Variants in THEM6 observed in about 807,000 individuals in gnomAD.
THEM6 encodes thioesterase superfamily member 6, also known as protein THEM6.
In THEM6, 10 loss-of-function variants were observed where a neutral mutation model predicts 13.7. The ratio of observed to expected loss-of-function variants is 0.73; its 90% confidence interval spans 0.45 to 1.24. The LOEUF (loss-of-function observed/expected upper bound fraction) is 1.24. THEM6 is among the 50% of genes most tolerant of loss of function. THEM6 has a pLI of 0.00. For missense variants in THEM6, 317 were observed against 312.6 expected, an observed-to-expected ratio of 1.01 and a Z score of -0.11; for synonymous variants, 161 against 156.0, an observed-to-expected ratio of 1.03 and a Z score of -0.24.
intron 1 of THEM6, among the ~76,000 whole-genome samples, chr8:142,729,799 C>T (rs1815604466): frequency 6.6e-6 from 1 of 152,192 alleles, no homozygotes; most frequent in South Asian, 2.1e-4. Context: ...TTTAGATCTG[C>T]ACAGACCTTT....
At chr8:142,732,014 T>G (rs904517436) in intron 1 of THEM6, among the ~76,000 whole-genome samples, 3 of 151,272 alleles carry the variant, frequency 2.0e-5, no homozygotes, top group Non-Finnish European at 4.4e-5. Flanking sequence ...TAGTTCTTTT[T>G]CCTGTCTGCT....
At chr8:142,732,711 CTT>C (rs35409782) in intron 1 of THEM6, among the ~76,000 whole-genome samples, 1 of 134,360 alleles carries the variant, frequency 7.4e-6, no homozygotes. Context: ...TGGCCAGTTT[CTT>C]TTTTTTTTTT....
At position 142,727,429 on chromosome 8, in the gene THEM6, C is replaced by G; in HGVS notation, c.83C>G (p.Pro28Arg). Residue 28 changes from proline (P) to arginine (R), a missense_variant, in exon 1 of 2, where the codon CCG becomes CGG. By Grantham distance (103) the Pro-to-Arg change is moderately radical. Coordinates refer to ENST00000336138, the MANE Select transcript of THEM6 (RefSeq NM_016647.3). ...GACGTCTGGTACCTGGTGCGCCTTC[C>G]GTGCGCCGTGCTGCGCGCGCGCCTG... is the stretch of plus-strand genomic sequence containing the variant. ...LLDVWYLVRL[P>R]CAVLRARLLQ... 6.5e-7 allele frequency: 1 copy of G among 1,545,904 alleles called. No homozygotes were observed. The highest frequency in any genetic ancestry group is 8.7e-7 in the Non-Finnish European group (1 of 1,153,112).
At position 142,727,736 on chromosome 8, in the gene THEM6, G is replaced by T. The variant is rs1397736969; in HGVS notation, c.390G>T (p.Ala130=). ...RTRLLGWDDR[A]FYLEARFVSL... ...GCCTGCTGGGCTGGGACGACCGCGCGTTCTACCTGGAGGCGCGCTTTGTCA... is the reference window on the plus strand; with the variant it reads ...GCCTGCTGGGCTGGGACGACCGCGCTTTCTACCTGGAGGCGCGCTTTGTCA... The change falls in exon 1 of 2, where the codon GCG becomes GCT. Residue 130 remains alanine, a synonymous_variant. Coordinates refer to ENST00000336138, the MANE Select transcript of THEM6 (RefSeq NM_016647.3). The T allele has an allele frequency of 6.9e-7, 1 of 1,440,120 alleles. No individual in the cohort carries two copies. The highest frequency in any genetic ancestry group is 9.0e-7 in the Non-Finnish European group (1 of 1,106,340). 89.2% of individuals were successfully genotyped at this position (1,440,120 alleles called of 1,614,324 possible).
intron 1 of THEM6, among the ~76,000 whole-genome samples, chr8:142,728,541 C>T (rs1387843404): frequency 2.6e-5 from 4 of 152,224 alleles, no homozygotes; most frequent in Non-Finnish European, 5.9e-5. Flanking sequence ...GTGCAGGAAG[C>T]CAGGGCCTGT....
chr8:142,727,305 G>GTTA lies in THEM6; in HGVS notation c.-42_-41insTTA. On this transcript the variant is annotated 5_prime_UTR_variant, in exon 1 of 2. Coordinates refer to ENST00000336138, the MANE Select transcript of THEM6 (RefSeq NM_016647.3). ...ACCAGCGCCGCGGACACCGGCACCG[G>GTTA]CGCCACGGACTCCGCAGGACCCCGC... The GTTA allele has an allele frequency of 6.9e-7, 1 of 1,439,302 alleles. No individual in the cohort carries two copies. Among genetic ancestry groups the GTTA allele is most frequent in the Non-Finnish European group, 9.0e-7 (1 of 1,106,774 alleles). The allele number at this position is 1,439,302 out of a possible 1,614,324, so 89.2% of individuals were successfully genotyped here. A position where few individuals can be genotyped will look rare whatever the true frequency, so the allele number is the denominator to read the frequency against.
At chr8:142,728,000 G>A in intron 1 of THEM6, 141 bp downstream of exon 1, 1 of 949,614 alleles carries the variant, frequency 1.1e-6, no homozygotes, top group Non-Finnish European at 1.4e-6. Context: ...GCCTCTTACC[G>A]CTCCCGCCCC....
intron 1 of THEM6, among the ~76,000 whole-genome samples, chr8:142,730,033 AAGCATTCAAGGCGGT>A (rs1815607943): frequency 1.3e-5 from 2 of 152,244 alleles, no homozygotes; most frequent in Non-Finnish European, 2.9e-5. Flanking sequence ...ATGACAGAAC[AAGCATTCAAGGCGGT>A]GGTCTGAGGT....
rs1465922198 is a variant in THEM6, at chr8:142,727,406, C to T, written c.60C>T (p.Asp20=). 2.6e-6 allele frequency: 4 copies of T among 1,532,970 alleles called. No individual in the cohort carries two copies. Among genetic ancestry groups the T allele is most frequent in the Admixed American group, 3.9e-5 (2 of 51,404 alleles). 95.0% of individuals were successfully genotyped at this position (1,532,970 alleles called of 1,614,324 possible). The change falls in exon 1 of 2, where the codon GAC becomes GAT. Residue 20 remains aspartate, a synonymous_variant. Coordinates refer to ENST00000336138, the MANE Select transcript of THEM6 (RefSeq NM_016647.3). ...GGCTCGCTGTCTTTGCGCTGCTGGA[C>T]GTCTGGTACCTGGTGCGCCTTCCGT... ...ALGLAVFALL[D]VWYLVRLPCA...
At position 142,727,226 on chromosome 8, in the gene THEM6, T is replaced by C; in HGVS notation, c.-121T>C. On this transcript the variant is annotated 5_prime_UTR_variant, in exon 1 of 2. Coordinates refer to ENST00000336138, the MANE Select transcript of THEM6 (RefSeq NM_016647.3). ...CCCTCGGCCGCCCTCGCGCTGTGGT[T>C]CGCTCCGGGCGCGCTGCGCTCGTGA... 1 of 1,080,960 alleles carries C rather than the reference T, an allele frequency of 9.3e-7. No homozygotes were observed. The highest frequency in any genetic ancestry group is 1.2e-6 in the Non-Finnish European group (1 of 817,074). 67.0% of individuals were successfully genotyped at this position (1,080,960 alleles called of 1,614,324 possible).
rs1345456458 is a variant in THEM6 at position 142,735,723 on chromosome 8, A to G, written c.*284A>G. On this transcript the variant is annotated 3_prime_UTR_variant, in exon 2 of 2. Coordinates refer to ENST00000336138, the MANE Select transcript of THEM6 (RefSeq NM_016647.3). ...GCCTGGCCCTACGATGAGGCCACTC[A>G]TGTGGGCCTAGGTAGGGGAGGATGG... The G allele has an allele frequency of 4.7e-6, 2 of 423,270 alleles. No homozygotes were observed. Among genetic ancestry groups the G allele is most frequent in the East Asian group, 4.3e-5 (1 of 23,274 alleles). The allele number at this position is 423,270 out of a possible 1,614,324, so 26.2% of individuals were successfully genotyped here.
chr8:142,735,539 T>C lies in THEM6; in HGVS notation c.*100T>C. Reference sequence around the variant, plus strand: ...ATACTCTGTTCCAGCTGGAGTAGCCTCCTGACCAGCCTGGCCCACCCTGCT... The same window carrying C: ...ATACTCTGTTCCAGCTGGAGTAGCCCCCTGACCAGCCTGGCCCACCCTGCT... On this transcript the variant is annotated 3_prime_UTR_variant, in exon 2 of 2. Transcript: ENST00000336138. The C allele has an allele frequency of 2.1e-6, 2 of 934,460 alleles. No homozygotes were observed. The highest frequency in any genetic ancestry group is 1.5e-5 in the South Asian group (1 of 68,938). The allele number at this position is 934,460 out of a possible 1,614,324, so 57.9% of individuals were successfully genotyped here.
chr8:142,727,325 C>T lies in THEM6; in HGVS notation c.-22C>T, dbSNP rs1344131314. The stretch of plus-strand genomic sequence containing the variant: ...CACCGGCGCCACGGACTCCGCAGGA[C>T]CCCGCGCCCGCCGCCGCCGCTATGC... On this transcript the variant is annotated 5_prime_UTR_variant, in exon 1 of 2. Transcript: ENST00000336138. The T allele has an allele frequency of 2.0e-6, 3 of 1,497,780 alleles. No individual in the cohort carries two copies. Among genetic ancestry groups the T allele is most frequent in the Non-Finnish European group, 2.7e-6 (3 of 1,131,242 alleles). The allele number at this position is 1,497,780 out of a possible 1,614,324, so 92.8% of individuals were successfully genotyped here.
intron 1 of THEM6, among the ~76,000 whole-genome samples, chr8:142,729,339 G>A (rs1274530691): frequency 1.3e-5 from 2 of 152,080 alleles, no homozygotes; most frequent in Non-Finnish European, 2.9e-5. Context: ...GGGTACACTC[G>A]CCAGCAGCTT....
chr8:142,735,625 A>G lies in THEM6; in HGVS notation c.*186A>G, dbSNP rs966751138. ...CTGTGCTGGGCTCCACGCTAGGCAG[A>G]AGGAGGAGTGGCATTGGCATCCTGA... is the stretch of plus-strand genomic sequence containing the variant. On this transcript the variant is annotated 3_prime_UTR_variant, in exon 2 of 2. Transcript: ENST00000336138. 63 of 582,322 alleles carry G rather than the reference A, an allele frequency of 1.1e-4. No individual in the cohort carries two copies. The highest frequency in any genetic ancestry group is 7.8e-4 in the African/African-American group (42 of 53,918). 36.1% of individuals were successfully genotyped at this position (582,322 alleles called of 1,614,324 possible). A position where few individuals can be genotyped will look rare whatever the true frequency, so the allele number is the denominator to read the frequency against.
intron 1 of THEM6, 105 bp downstream of exon 1, chr8:142,727,964 C>T (rs1587579744): frequency 5.5e-6 from 7 of 1,268,344 alleles, no homozygotes; most frequent in South Asian, 1.9e-5. Flanking sequence ...GCTGCCTGCA[C>T]CTCTTTCGGA....
intron 1 of THEM6, among the ~76,000 whole-genome samples, chr8:142,734,343 G>A: frequency 6.6e-6 from 1 of 152,262 alleles, no homozygotes; most frequent in East Asian, 1.9e-4. Flanking sequence ...CGGGCACGGA[G>A]GCCGAGGAGA....
rs1815759680 is a variant in THEM6, at chr8:142,736,237, T to A, written c.*798T>A. 6.6e-6 allele frequency: 1 copy of A among 152,278 alleles called. No homozygotes were observed. The allele number at this position is 152,278 out of a possible 1,614,324, so 9.4% of individuals were successfully genotyped here. A position where few individuals can be genotyped will look rare whatever the true frequency, so the allele number is the denominator to read the frequency against. ...GGGGTGGGACTCTGCAGGGGTGTCC[T>A]TGTCCACTCGCACCCCTCGCCGCCC... On this transcript the variant is annotated 3_prime_UTR_variant, in exon 2 of 2. Coordinates refer to ENST00000336138, the MANE Select transcript of THEM6 (RefSeq NM_016647.3).
rs1342097458 is a variant in THEM6 at position 142,735,460 on chromosome 8, G to T, written c.*21G>T. On this transcript the variant is annotated 3_prime_UTR_variant, in exon 2 of 2. Transcript: ENST00000336138. ...AGTGACCGCCACCTTCACACCGTCT[G>T]CCCTGGCCACCATCCTGGGCCTGGG... is the stretch of plus-strand genomic sequence containing the variant. 6.5e-7 allele frequency: 1 copy of T among 1,531,796 alleles called. No homozygotes were observed. The highest frequency in any genetic ancestry group is 1.9e-5 in the Admixed American group (1 of 51,748). The allele number at this position is 1,531,796 out of a possible 1,614,324, so 94.9% of individuals were successfully genotyped here. A position where few individuals can be genotyped will look rare whatever the true frequency, so the allele number is the denominator to read the frequency against.
Sources: allele counts gnomAD v4.1 joint callset (sites outside exome capture counted in the v4.1 genomes callset), GRCh38; gene constraint gnomAD v4.1.1; transcripts MANE v1.5; gene names NCBI Gene and HGNC (gene_info 2026-07-23, HGNC 2026-07-21).